Variants in TMEM51 observed in about 807,000 individuals in gnomAD.
TMEM51 encodes the protein chromosome 1 open reading frame 72.
TMEM51 carries 8 observed loss-of-function variants against 13.6 expected under a neutral mutation model. The ratio of observed to expected loss-of-function variants is 0.59; its 90% CI spans 0.35 to 1.07. The LOEUF (loss-of-function observed/expected upper bound fraction) is 1.07. TMEM51 is among the 50% of genes least tolerant of loss of function. TMEM51 has a pLI of 0.02. For synonymous variants in TMEM51, 147 were observed against 144.4 expected, an observed-to-expected ratio of 1.02 and a Z score of -0.13; for missense variants, 279 against 330.7, an observed-to-expected ratio of 0.84 and a Z score of 1.21.
At chr1:15,213,604 T>C (rs1316910738) in intron 2 of TMEM51, among the ~76,000 whole-genome samples, 2 of 152,166 alleles carry the variant, frequency 1.3e-5, no homozygotes, top group Non-Finnish European at 2.9e-5. Flanking sequence ...TCTGGCTCGC[T>C]CTCAACCAAC....
At chr1:15,195,384 TTC>T (rs1200957764) in intron 1 of TMEM51, among the ~76,000 whole-genome samples, 2 of 152,202 alleles carry the variant, frequency 1.3e-5, no homozygotes, top group Non-Finnish European at 2.9e-5. Context: ...TAGTGAGATT[TTC>T]TTTTTGTCCT....
At chr1:15,163,465 C>T (rs113495114) in intron 1 of TMEM51, among the ~76,000 whole-genome samples, 2,585 of 152,010 alleles carry the variant, frequency 0.017, 118 homozygotes, top group African/African-American at 0.059. Context: ...CCACCTACCT[C>T]GTACCCCTGC....
rs1644501652 is a variant in TMEM51, at chr1:15,220,387, A to AC, written c.*644_*645insC. On this transcript the variant is annotated 3_prime_UTR_variant, in exon 4 of 4. Coordinates refer to ENST00000376008, the MANE Select transcript of TMEM51 (RefSeq NM_001136218.2). The stretch of plus-strand genomic sequence containing the variant: ...CTTCTGTGTAACAGCAAAAAAAAAA[A>AC]AAAAAAGAAGAAGAAAGAAAACTGT... 6.6e-6 allele frequency: 1 copy of AC among 152,044 alleles called. No homozygotes were observed. The highest frequency in any genetic ancestry group is 2.4e-5 in the African/African-American group (1 of 41,390). 9.4% of individuals were successfully genotyped at this position (152,044 alleles called of 1,614,324 possible). A position where few individuals can be genotyped will look rare whatever the true frequency, so the allele number is the denominator to read the frequency against.
chr1:15,153,409 G>T (rs563882708), upstream of TMEM51, among the ~76,000 whole-genome samples: 3 of 147,928 alleles, frequency 2.0e-5, no homozygotes, highest in African/African-American at 8.0e-5. Context: ...GCGCGTGCGC[G>T]CACACACGCA....
chr1:15,198,058 G>A (rs935004972), intron 1 of TMEM51, among the ~76,000 whole-genome samples: 3 of 151,708 alleles, frequency 2.0e-5, no homozygotes, highest in South Asian at 2.1e-4. Flanking sequence ...AGGCAGCACC[G>A]TGATCCTCAG....
chr1:15,214,926 C>T lies in TMEM51; in HGVS notation c.-162C>T. On this transcript the variant is annotated 5_prime_UTR_variant, in exon 3 of 4. Transcript: ENST00000376008. ...CCACCGCAGCCATCCGCACGGGAGG[C>T]CTCGCGATTGCTCGGAACCATCCCG... The T allele has an allele frequency of 1.5e-6, 1 of 681,242 alleles. No homozygotes were observed. 42.2% of individuals were successfully genotyped at this position (681,242 alleles called of 1,614,324 possible). A position where few individuals can be genotyped will look rare whatever the true frequency, so the allele number is the denominator to read the frequency against.
chr1:15,160,058 C>T (rs1361137355), intron 1 of TMEM51, among the ~76,000 whole-genome samples: 1 of 152,210 alleles, frequency 6.6e-6, no homozygotes, highest in African/African-American at 2.4e-5. Flanking sequence ...ATTTCCTCAA[C>T]AGGTAAAATT....
intron 1 of TMEM51, among the ~76,000 whole-genome samples, chr1:15,188,888 A>T (rs1643863977): frequency 6.6e-6 from 1 of 152,138 alleles, no homozygotes; most frequent in African/African-American, 2.4e-5. Context: ...TACAAAGATG[A>T]TGTTTGTTGA....
At chr1:15,167,948 TA>T (rs1357320423) in intron 1 of TMEM51, among the ~76,000 whole-genome samples, 1 of 152,206 alleles carries the variant, frequency 6.6e-6, no homozygotes, top group Non-Finnish European at 1.5e-5. Flanking sequence ...GCACATGGTA[TA>T]AAAAAATCAA....
chr1:15,187,806 G>A (rs1449837572), intron 1 of TMEM51, among the ~76,000 whole-genome samples: 1 of 152,076 alleles, frequency 6.6e-6, no homozygotes, highest in East Asian at 1.9e-4. Context: ...CTCTCTCAGT[G>A]AGTGACCTTA....
intron 1 of TMEM51, among the ~76,000 whole-genome samples, chr1:15,166,674 A>G (rs963598084): frequency 6.6e-6 from 1 of 152,198 alleles, no homozygotes; most frequent in Non-Finnish European, 1.5e-5. Context: ...AGCCAAGATC[A>G]GAGCACTACA....
chr1:15,163,677 T>TTGAGACAG (rs1642875545), intron 1 of TMEM51, among the ~76,000 whole-genome samples: 1 of 147,528 alleles, frequency 6.8e-6, no homozygotes, highest in Admixed American at 6.8e-5. Flanking sequence ...ATTTTGTTTT[T>TTGAGACAG]AATCTGTCCA....
At chr1:15,214,631 C>G (rs1644394267) in intron 2 of TMEM51, among the ~76,000 whole-genome samples, 1 of 152,206 alleles carries the variant, frequency 6.6e-6, no homozygotes, top group Admixed American at 6.5e-5. Context: ...ACCTGAGCTC[C>G]GACCTTTCTG....
chr1:15,215,144 G>T lies in TMEM51; in HGVS notation c.57G>T (p.Leu19=). 6.2e-7 allele frequency: 1 copy of T among 1,614,124 alleles called. No homozygotes were observed. The highest frequency in any genetic ancestry group is 8.5e-7 in the Non-Finnish European group (1 of 1,180,050). Reference sequence around the variant, plus strand: ...ACTATGCGCTGACCGCCATCGGCCTGGGGATGCTGGTCCTTGGGGTGATCA... The same window carrying T: ...ACTATGCGCTGACCGCCATCGGCCTTGGGATGCTGGTCCTTGGGGTGATCA... ...GSHYALTAIG[L]GMLVLGVIMA... Residue 19 remains leucine (L), a synonymous_variant, in exon 3 of 4, where the codon CTG becomes CTT. Coordinates refer to ENST00000376008, the MANE Select transcript of TMEM51 (RefSeq NM_001136218.2).
At chr1:15,160,257 G>A (rs1452123701) in intron 1 of TMEM51, among the ~76,000 whole-genome samples, 1 of 152,010 alleles carries the variant, frequency 6.6e-6, no homozygotes, top group Non-Finnish European at 1.5e-5. Context: ...TTTGGTGAGG[G>A]AAAATGACTT....
intron 1 of TMEM51, among the ~76,000 whole-genome samples, chr1:15,166,359 G>A (rs1642998267): frequency 6.6e-6 from 1 of 152,150 alleles, no homozygotes; most frequent in African/African-American, 2.4e-5. Flanking sequence ...TCCCTTCTGA[G>A]ACTTAGGAAG....
chr1:15,197,184 C>T (rs977930397), intron 1 of TMEM51, among the ~76,000 whole-genome samples: 3 of 152,180 alleles, frequency 2.0e-5, no homozygotes, highest in Non-Finnish European at 2.9e-5. Context: ...GTGTGGGTTA[C>T]GTGTCCGTCT....
chr1:15,219,480 C>T lies in TMEM51; in HGVS notation c.499C>T (p.Leu167Phe). Residue 167 changes from leucine (L) to phenylalanine (F), a missense_variant, in exon 4 of 4, where the codon CTC (leucine) becomes TTC (phenylalanine). Coordinates refer to ENST00000376008, the MANE Select transcript of TMEM51 (RefSeq NM_001136218.2). Reference sequence around the variant, plus strand: ...CCCGTCCTATGAGTCACTGACGGGGCTCGACGAGACCACCCCCACATCCAC... The same window carrying T: ...CCCGTCCTATGAGTCACTGACGGGGTTCGACGAGACCACCCCCACATCCAC... ...SLPSYESLTG[L>F]DETTPTSTRA... 6.2e-7 allele frequency: 1 copy of T among 1,614,126 alleles called. No homozygotes were observed. Among genetic ancestry groups the T allele is most frequent in the Non-Finnish European group, 8.5e-7 (1 of 1,180,016 alleles).
At chr1:15,164,287 A>G (rs2100819607) in intron 1 of TMEM51, 1 of 444,204 alleles carries the variant, frequency 2.3e-6, no homozygotes, top group Non-Finnish European at 4.6e-6. Flanking sequence ...GCATTTGGTC[A>G]TCTTGTCTCC....
Sources: gnomAD v4.1 joint callset for allele counts (sites outside exome capture counted in the v4.1 genomes callset) on GRCh38, gnomAD v4.1.1 for gene constraint, MANE v1.5 for transcripts, NCBI Gene and HGNC (gene_info 2026-07-23, HGNC 2026-07-21) for gene names.